The following SF3B2 variants were observed in gnomAD, a reference collection of about 807,000 sequenced individuals.
SF3B2 encodes SAP 145.
SF3B2 carries 22 observed loss-of-function variants against 116.3 expected under a neutral mutation model. The observed-to-expected ratio is 0.19, with a 90% CI of 0.14 to 0.27. The LOEUF (loss-of-function observed/expected upper bound fraction) is 0.27, where lower values mean the gene tolerates loss of function less well. Ranked by LOEUF, SF3B2 falls within the 10% of genes least tolerant of loss-of-function variation. The probability of loss-of-function intolerance (pLI) is 1.00; values close to 1 mark genes in which losing one functional copy is unlikely to be tolerated. For missense variants in SF3B2, 767 were observed against 1,151.4 expected (o/e 0.67, Z 4.83); for synonymous variants, 406 against 421.6 (o/e 0.96, Z 0.45).
chr11:66,055,195 T>C lies in SF3B2; in HGVS notation c.378T>C (p.Asn126=), dbSNP rs200336994. Residue 126 remains asparagine, a synonymous_variant, in exon 4 of 22, where the codon AAT becomes AAC. Coordinates refer to ENST00000322535, the MANE Select transcript of SF3B2 (RefSeq NM_006842.3). ...GLGFPMAHPP[N]LGPPPPLRVG... ...GCTTTCCTATGGCCCACCCACCAAA[T>C]TTGGGGCCCCCGCCTCCTCTCCGTG... 6.5e-4 allele frequency: 975 copies of C among 1,502,502 alleles called. 1 individual carries two copies. Among genetic ancestry groups the C allele is most frequent in the Non-Finnish European group, 8.1e-4 (904 of 1,111,384 alleles). The allele number at this position is 1,502,502 out of a possible 1,614,324, so 93.1% of individuals were successfully genotyped here.
intron 8 of SF3B2, 43 bp downstream of exon 8, chr11:66,058,193 G>A (rs1421440786): frequency 1.5e-5 from 24 of 1,591,558 alleles, no homozygotes; most frequent in Non-Finnish European, 2.1e-5. Flanking sequence ...AGAACCTGGA[G>A]AGGCTGAGCT....
chr11:66,052,372 T>A lies in SF3B2; in HGVS notation c.-13T>A. On this transcript the variant is annotated 5_prime_UTR_variant, in exon 1 of 22. Coordinates refer to ENST00000322535, the MANE Select transcript of SF3B2 (RefSeq NM_006842.3). Reference sequence around the variant, plus strand: ...CAGCTTCCGGGTTGGTCGCGCGCCTTCCTGCGGCTAAGATGGCGACGGAGC... The same window carrying A: ...CAGCTTCCGGGTTGGTCGCGCGCCTACCTGCGGCTAAGATGGCGACGGAGC... 6.2e-7 allele frequency: 1 copy of A among 1,606,524 alleles called. No individual in the cohort carries two copies. The highest frequency in any genetic ancestry group is 8.5e-7 in the Non-Finnish European group (1 of 1,176,966).
rs779079691 is a variant in SF3B2, at chr11:66,058,414, T to G, written c.966+9T>G. ...CCGTATCTAAAAAGGAGGTAGGGAT[T>G]GGAGCTGAGTGTGGAAGGAAAGCCA... On this transcript the variant is annotated intron_variant, in intron 9 of 21. Coordinates refer to ENST00000322535, the MANE Select transcript of SF3B2 (RefSeq NM_006842.3). 6.2e-7 allele frequency: 1 copy of G among 1,607,146 alleles called. No homozygotes were observed. Among genetic ancestry groups the G allele is most frequent in the Non-Finnish European group, 8.5e-7 (1 of 1,173,990 alleles).
At chr11:66,057,972 CAAAAAAAA>C (rs60074596) in intron 7 of SF3B2, 74 bp from the exon 8 acceptor site, 1 of 733,418 alleles carries the variant, frequency 1.4e-6, no homozygotes, top group Non-Finnish European at 1.9e-6. Context: ...AACTCCGTCT[CAAAAAAAA>C]AAAAAAGAAA....
In SF3B2 at chr11:66,056,913, G is replaced by A. The variant is rs1293270452; in HGVS notation, c.625G>A (p.Asp209Asn). 6.2e-7 allele frequency: 1 copy of A among 1,614,036 alleles called. No individual in the cohort carries two copies. Among genetic ancestry groups the A allele is most frequent in the Non-Finnish European group, 8.5e-7 (1 of 1,180,022 alleles). ...MGTPVPRPPQ[D>N]MGQIGVRTPL... ...CACCCCAGTCCCTCGGCCCCCACAAGACATGGGCCAGATTGGTGTGCGCAC... is the reference window on the plus strand; with the variant it reads ...CACCCCAGTCCCTCGGCCCCCACAAAACATGGGCCAGATTGGTGTGCGCAC... The change falls in exon 6 of 22, where the codon GAC becomes AAC. Residue 209 changes from aspartate (D) to asparagine (N), a missense_variant. By Grantham distance (23) the Asp-to-Asn change is conservative (BLOSUM62 1). This residue lies in a region of SF3B2 where 455 missense variants were observed against 537.5 expected (regional missense o/e 0.85). Coordinates refer to ENST00000322535, the MANE Select transcript of SF3B2 (RefSeq NM_006842.3).
chr11:66,059,389 T>G lies in SF3B2; in HGVS notation c.1320+51T>G. On this transcript the variant is annotated intron_variant, in intron 11 of 21. Transcript: ENST00000322535. This position sits in a 1 kb window ranked among gnomAD's most constrained non-coding sequence, Gnocchi z 5.0. ...AGCAGGGACTCTGGGCACAGGTGGC[T>G]GAGATGCATCCAGAGAGGGACCATG... is the stretch of plus-strand genomic sequence containing the variant. 1 of 1,612,634 alleles carries G rather than the reference T, an allele frequency of 6.2e-7. No individual in the cohort carries two copies. Among genetic ancestry groups the G allele is most frequent in the Non-Finnish European group, 8.5e-7 (1 of 1,179,010 alleles).
chr11:66,052,751 C>A (rs1378175403), intron 2 of SF3B2, 32 bp downstream of exon 2: 2 of 1,539,182 alleles, frequency 1.3e-6, no homozygotes, highest in Non-Finnish European at 1.7e-6. Context: ...TCAGGATAGG[C>A]CGAGCTTCTC....
rs577887161 is a variant in SF3B2 at position 66,057,967 on chromosome 11, C to T, written c.778-87C>T. 2.3e-5 allele frequency: 23 copies of T among 996,932 alleles called. No individual in the cohort carries two copies. The East Asian group carries it at 3.3e-4, about 14-fold the overall frequency. 61.8% of individuals were successfully genotyped at this position (996,932 alleles called of 1,614,324 possible). On this transcript the variant is annotated intron_variant, in intron 7 of 21. Coordinates refer to ENST00000322535, the MANE Select transcript of SF3B2 (RefSeq NM_006842.3). ...AGCCTGGGCAACAAGAGCAAAACTC[C>T]GTCTCAAAAAAAAAAAAAAGAAAGA...
chr11:66,055,266 C>T lies in SF3B2; in HGVS notation c.449C>T (p.Ala150Val), dbSNP rs202101921. ...TCAGAGGAGGAGCGGCTGAAGTTGG[C>T]TCAGCAGCAGGCGGCATTGCTGATG... ...ALSEEERLKL[A>V]QQQAALLMQQ... The change falls in exon 4 of 22, where the codon GCT becomes GTT. Residue 150 changes from alanine (A) to valine (V), a missense_variant. Transcript: ENST00000322535. The T allele has an allele frequency of 6.2e-7, 1 of 1,613,832 alleles. No homozygotes were observed. Among genetic ancestry groups the T allele is most frequent in the African/African-American group, 1.3e-5 (1 of 75,050 alleles).
At chr11:66,058,222 C>T (rs1267260814) in intron 8 of SF3B2, 72 bp downstream of exon 8, 1 of 1,575,672 alleles carries the variant, frequency 6.3e-7, no homozygotes, top group African/African-American at 1.3e-5. Context: ...ATCCCTCTGT[C>T]CCTTTCCCTG....
Position 66,055,071 on chromosome 11 carries a change from C to T in SF3B2, c.259-5C>T, listed in dbSNP as rs969019362. 6.6e-7 allele frequency: 1 copy of T among 1,504,460 alleles called. No homozygotes were observed. The highest frequency in any genetic ancestry group is 1.4e-5 in the African/African-American group (1 of 71,346). The allele number at this position is 1,504,460 out of a possible 1,614,324, so 93.2% of individuals were successfully genotyped here. ...CCTAGTTTTATGATCATATTTTCTC[C>T]ACAGCTCCCTGGAATTCCCATGCCA... On this transcript the variant is annotated splice_region_variant and splice_polypyrimidine_tract_variant and intron_variant, in intron 3 of 21. Transcript: ENST00000322535.
chr11:66,056,773 A>G (rs1857003197), intron 5 of SF3B2, 65 bp from the exon 6 acceptor site: 1 of 1,262,078 alleles, frequency 7.9e-7, no homozygotes, highest in South Asian at 1.2e-5. Flanking sequence ...GAAAGAATGC[A>G]TTTGCCAGGG....
Position 66,052,682 on chromosome 11 carries a change from A to G in SF3B2, c.143A>G (p.Glu48Gly). The G allele has an allele frequency of 6.3e-7, 1 of 1,595,410 alleles. No individual in the cohort carries two copies. The highest frequency in any genetic ancestry group is 8.5e-7 in the Non-Finnish European group (1 of 1,171,998). ...GTACTTTGCCCTGCAGGTAATCGCGAGGAGCTGGTGGAGCGGCTGCAGAGC... is the reference window on the plus strand; with the variant it reads ...GTACTTTGCCCTGCAGGTAATCGCGGGGAGCTGGTGGAGCGGCTGCAGAGC... Reference protein sequence around the residue: ...EIGAPIQGNREELVERLQSYT... With the variant: ...EIGAPIQGNRGELVERLQSYT... The change falls in exon 2 of 22, where the codon GAG becomes GGG. Residue 48 changes from glutamate to glycine, a missense_variant. Physicochemically the swap from Glu to Gly is moderately conservative, Grantham distance 98. Transcript: ENST00000322535.
Position 66,068,237 on chromosome 11 carries a change from G to T in SF3B2, c.2520G>T (p.Met840Ile). ...AGTTGGAGCTGGATCCTATGGCCAT[G>T]ACCCAGAAGTATGAGGAGCATGTGC... ...PEELELDPMA[M>I]TQKYEEHVRE... The change falls in exon 21 of 22, where the codon ATG (methionine) becomes ATT (isoleucine). Residue 840 changes from methionine to isoleucine, a missense_variant. Coordinates refer to ENST00000322535, the MANE Select transcript of SF3B2 (RefSeq NM_006842.3). 1 of 1,614,192 alleles carries T rather than the reference G, an allele frequency of 6.2e-7. No individual in the cohort carries two copies. The highest frequency in any genetic ancestry group is 8.5e-7 in the Non-Finnish European group (1 of 1,180,050).
chr11:66,069,220 G>C lies in SF3B2; in HGVS notation c.*475G>C, dbSNP rs183043289. Reference sequence around the variant, plus strand: ...ACAGTGGGCTTGGGAAGTAGGCCAGGGCAGGCCTTCCCAACTGACCTTGTG... The same window carrying C: ...ACAGTGGGCTTGGGAAGTAGGCCAGCGCAGGCCTTCCCAACTGACCTTGTG... On this transcript the variant is annotated 3_prime_UTR_variant, in exon 22 of 22. Coordinates refer to ENST00000322535, the MANE Select transcript of SF3B2 (RefSeq NM_006842.3). 5.3e-6 allele frequency: 2 copies of C among 374,864 alleles called. No individual in the cohort carries two copies. The highest frequency in any genetic ancestry group is 7.3e-5 in the East Asian group (1 of 13,628). 23.2% of individuals were successfully genotyped at this position (374,864 alleles called of 1,614,324 possible).
rs1350463145 is a variant in SF3B2, at chr11:66,069,165, G to C, written c.*420G>C. 8.5e-6 allele frequency: 3 copies of C among 354,846 alleles called. No individual in the cohort carries two copies. Among genetic ancestry groups the C allele is most frequent in the Non-Finnish European group, 1.7e-5 (3 of 177,958 alleles). The allele number at this position is 354,846 out of a possible 1,614,324, so 22.0% of individuals were successfully genotyped here. On this transcript the variant is annotated 3_prime_UTR_variant, in exon 22 of 22. Coordinates refer to ENST00000322535, the MANE Select transcript of SF3B2 (RefSeq NM_006842.3). ...TGTCCTTGGGGAGTAAAAATAGCCAGATTAGCGCCCTAGCGCGGCAGAGGA... is the reference window on the plus strand; with the variant it reads ...TGTCCTTGGGGAGTAAAAATAGCCACATTAGCGCCCTAGCGCGGCAGAGGA...
Position 66,059,068 on chromosome 11 carries a change from A to AG in SF3B2, c.1182+27dup. 1 of 1,611,604 alleles carries AG rather than the reference A, an allele frequency of 6.2e-7. No homozygotes were observed. Among genetic ancestry groups the AG allele is most frequent in the Non-Finnish European group, 8.5e-7 (1 of 1,177,932 alleles). On this transcript the variant is annotated intron_variant, in intron 10 of 21. Coordinates refer to ENST00000322535, the MANE Select transcript of SF3B2 (RefSeq NM_006842.3). The surrounding 1 kb of genome is among the most constrained non-coding windows in gnomAD (Gnocchi z 5.0). Reference sequence around the variant, plus strand: ...AAGGTACAAGGAGAGCACACTAGGAAGGGGCAGTGCCAAACAGGGAAGGGG... The same window carrying AG: ...AAGGTACAAGGAGAGCACACTAGGAAGGGGGCAGTGCCAAACAGGGAAGGGG...
At position 66,055,278 on chromosome 11, in the gene SF3B2, C is replaced by G. The variant is rs750041004; in HGVS notation, c.461C>G (p.Ala154Gly). 1 of 1,613,372 alleles carries G rather than the reference C, an allele frequency of 6.2e-7. No individual in the cohort carries two copies. Among genetic ancestry groups the G allele is most frequent in the Non-Finnish European group, 8.5e-7 (1 of 1,179,844 alleles). ...CGGCTGAAGTTGGCTCAGCAGCAGGCGGCATTGCTGATGCAGCAGGAGGAG... is the reference window on the plus strand; with the variant it reads ...CGGCTGAAGTTGGCTCAGCAGCAGGGGGCATTGCTGATGCAGCAGGAGGAG... ...EERLKLAQQQ[A>G]ALLMQQEERA... Residue 154 changes from alanine to glycine, a missense_variant, in exon 4 of 22, where the codon GCG becomes GGG. Physicochemically the swap from Ala to Gly is moderately conservative, Grantham distance 60. Around this residue, in one of 4 missense-constraint regions of SF3B2, gnomAD observed 455 missense variants for 537.5 expected, o/e 0.85. Transcript: ENST00000322535.
chr11:66,063,526 A>T lies in SF3B2; in HGVS notation c.2212A>T (p.Ile738Phe). The change falls in exon 18 of 22, where the codon ATT becomes TTT. Residue 738 changes from isoleucine (I) to phenylalanine (F), a missense_variant. This residue lies in a region of SF3B2 where 282 missense variants were observed against 568.0 expected (regional missense o/e 0.50). Coordinates refer to ENST00000322535, the MANE Select transcript of SF3B2 (RefSeq NM_006842.3). Reference protein sequence around the residue: ...DEDKPDETGFITPADSGLITP... With the variant: ...DEDKPDETGFFTPADSGLITP... ...AGACAAACCAGATGAGACAGGCTTT[A>T]TTACCCCTGCAGACAGGTGGGGGAA... 1 of 1,613,850 alleles carries T rather than the reference A, an allele frequency of 6.2e-7. No homozygotes were observed. Among genetic ancestry groups the T allele is most frequent in the Middle Eastern group, 1.7e-4 (1 of 6,060 alleles).
Sources: gnomAD v4.1 joint callset for allele counts on GRCh38, gnomAD v4.1.1 for gene constraint, gnomAD v4.1.1 regional missense constraint, Gnocchi (gnomAD v3.1) non-coding constraint, MANE v1.5 for transcripts, NCBI Gene and HGNC (gene_info 2026-07-23, HGNC 2026-07-21) for gene names.